The following FARP1 variants were observed in gnomAD, a reference collection of about 807,000 sequenced individuals.
FARP1 encodes FERM, ARHGEF and pleckstrin domain-containing protein 1.
In FARP1, 52 loss-of-function variants were observed where a neutral mutation model predicts 128.8. That is an observed-to-expected ratio of 0.40 (90% CI 0.32 to 0.51). The LOEUF is 0.51. Ranked by LOEUF, FARP1 falls within the 20% of genes least tolerant of loss-of-function variation. The pLI, the probability that FARP1 is intolerant of heterozygous loss-of-function variation, is 0.45. For synonymous variants in FARP1, 580 were observed against 551.8 expected (o/e 1.05, Z -0.72); for missense variants, 1,333 against 1,367.9 (o/e 0.97, Z 0.40).
chr13:98,419,686 G>A (rs1295892906), intron 16 of FARP1, among the ~76,000 whole-genome samples: 1 of 152,080 alleles, frequency 6.6e-6, no homozygotes, highest in Non-Finnish European at 1.5e-5. Flanking sequence ...TAGAATCATA[G>A]AGACTGCAGG....
At chr13:98,154,417 T>C (rs1258872762) in intron 1 of FARP1, among the ~76,000 whole-genome samples, 1 of 152,198 alleles carries the variant, frequency 6.6e-6, no homozygotes, top group Non-Finnish European at 1.5e-5. Flanking sequence ...AAAACATCTT[T>C]AAGAAGGGCT....
rs74790907 is a variant in FARP1 at position 98,416,935 on chromosome 13, G to A, written c.1826+4901G>A. Among the ~76,000 whole-genome samples the A allele has an allele frequency of 3.9e-3, 597 of 152,316 alleles. 4 individuals are homozygous for A. Among genetic ancestry groups the A allele is most frequent in the African/African-American group, 0.014 (574 of 41,566 alleles). The stretch of plus-strand genomic sequence containing the variant: ...AGTTTTCATGGAGGATCAGCTGCAT[G>A]TTTTAGGAGAAACTTTGGCCAGAGT... On this transcript the variant is annotated intron_variant, in intron 16 of 26. Transcript: ENST00000319562.
chr13:98,368,368 G>A (rs956829227), intron 5 of FARP1, among the ~76,000 whole-genome samples, 173 bp downstream of exon 5: 7 of 152,184 alleles, frequency 4.6e-5, no homozygotes, highest in African/African-American at 1.2e-4. Flanking sequence ...AAAATGGGGG[G>A]AGAAGTACTG....
Position 98,451,262 on chromosome 13 carries a change from G to T in FARP1, c.*2945G>T, listed in dbSNP as rs983062426. ...CAGACTCAATCTGTGTGATTCGCAA[G>T]GACAAAACTCATCTTTGACTTATGC... On this transcript the variant is annotated 3_prime_UTR_variant, in exon 27 of 27. Coordinates refer to ENST00000319562, the MANE Select transcript of FARP1 (RefSeq NM_005766.4). 7.9e-5 allele frequency: 12 copies of T among 152,120 alleles called. No individual in the cohort carries two copies. Among genetic ancestry groups the T allele is most frequent in the African/African-American group, 2.7e-4 (11 of 41,404 alleles). The allele number at this position is 152,120 out of a possible 1,614,324, so 9.4% of individuals were successfully genotyped here. A position where few individuals can be genotyped will look rare whatever the true frequency, so the allele number is the denominator to read the frequency against.
chr13:98,147,628 A>G (rs1375523013), intron 1 of FARP1, among the ~76,000 whole-genome samples: 1 of 151,752 alleles, frequency 6.6e-6, no homozygotes, highest in African/African-American at 2.4e-5. Context: ...TTCATTCAGG[A>G]TCTAGTATAG....
At chr13:98,166,902 T>C (rs1877306050) in intron 1 of FARP1, among the ~76,000 whole-genome samples, 2 of 152,078 alleles carry the variant, frequency 1.3e-5, no homozygotes, top group African/African-American at 4.8e-5. Flanking sequence ...TTTTTTTGTA[T>C]TTTTAGTAGA....
Position 98,361,864 on chromosome 13 carries a change from C to G in FARP1, c.277-3531C>G, listed in dbSNP as rs149210114. On this transcript the variant is annotated intron_variant, in intron 3 of 26. Coordinates refer to ENST00000319562, the MANE Select transcript of FARP1 (RefSeq NM_005766.4). ...TAAGCCAGTGTCCTGGGTTTTAGAG[C>G]TCTGTGTTCGCATCATCTCAGGTCT... Among the ~76,000 whole-genome samples, 48 of 152,262 alleles carry G rather than the reference C, an allele frequency of 3.2e-4. 2 individuals are homozygous for G. The East Asian group carries it at 7.3e-3, about 23-fold the overall frequency.
At chr13:98,349,672 G>GAAAAAAAAA (rs56376512) in intron 3 of FARP1, among the ~76,000 whole-genome samples, 1 of 59,864 alleles carries the variant, frequency 1.7e-5, no homozygotes, top group African/African-American at 6.7e-5. Context: ...CCATCTCAGG[G>GAAAAAAAAA]AAAAAAAAAA....
intron 5 of FARP1, among the ~76,000 whole-genome samples, chr13:98,375,673 G>C (rs1396236312): frequency 6.6e-6 from 1 of 152,090 alleles, no homozygotes; most frequent in Non-Finnish European, 1.5e-5. Context: ...CTGTCACCCA[G>C]GCTGGAGTGC....
chr13:98,367,872 T>A (rs1342257890), intron 4 of FARP1, among the ~76,000 whole-genome samples: 1 of 152,142 alleles, frequency 6.6e-6, no homozygotes, highest in Admixed American at 6.5e-5. Flanking sequence ...AGAGAAAAAA[T>A]TTAATAGCTC....
intron 17 of FARP1, among the ~76,000 whole-genome samples, chr13:98,425,058 T>C (rs1891730684): frequency 6.6e-6 from 1 of 152,114 alleles, no homozygotes; most frequent in Non-Finnish European, 1.5e-5. Flanking sequence ...CAAACCCTTC[T>C]CCAACCTTTC....
chr13:98,435,809 A>G (rs1195070831), intron 19 of FARP1, 103 bp downstream of exon 19: 1 of 1,219,222 alleles, frequency 8.2e-7, no homozygotes, highest in African/African-American at 1.5e-5. Flanking sequence ...GCAAAGCAAA[A>G]TGTCCTCTTT....
intron 2 of FARP1, among the ~76,000 whole-genome samples, chr13:98,304,282 G>C (rs1718251243): frequency 6.6e-6 from 1 of 152,062 alleles, no homozygotes; most frequent in African/African-American, 2.4e-5. Context: ...TTAATTGAAG[G>C]CTCTTGTTTT....
chr13:98,176,317 A>G lies in FARP1; in HGVS notation c.-24+32825A>G. On this transcript the variant is annotated intron_variant, in intron 1 of 26. Transcript: ENST00000319562. The surrounding 1 kb of genome is among the most constrained non-coding windows in gnomAD (Gnocchi z 6.2). ...CTGAAGCTTTTGCAGTTTCGCCATC[A>G]GTTCTTTGGCGGGGTTAAAGATGCC... is the stretch of plus-strand genomic sequence containing the variant. 6.2e-7 allele frequency: 1 copy of G among 1,613,166 alleles called. No individual in the cohort carries two copies. The highest frequency in any genetic ancestry group is 2.2e-5 in the East Asian group (1 of 44,864).
chr13:98,413,427 A>AGGCAGGAGGATCACTTGAG (rs1440772327), intron 16 of FARP1, among the ~76,000 whole-genome samples: 3 of 152,368 alleles, frequency 2.0e-5, no homozygotes, highest in Middle Eastern at 3.4e-3. Context: ...TGGGAGGCTG[A>AGGCAGGAGGATCACTTGAG]GGCAGGAGGA....
chr13:98,319,369 C>T (rs926902451), intron 2 of FARP1, among the ~76,000 whole-genome samples: 1 of 152,150 alleles, frequency 6.6e-6, no homozygotes, highest in African/African-American at 2.4e-5. Flanking sequence ...GCCTGTAATC[C>T]CAGCACTTTG....
In FARP1 at chr13:98,377,699, C is replaced by T. The variant is rs1474870193; in HGVS notation, c.399-122C>T. 2.4e-5 allele frequency: 16 copies of T among 678,872 alleles called. No individual in the cohort carries two copies. The East Asian group carries it at 3.8e-4, about 16-fold the overall frequency. The allele number at this position is 678,872 out of a possible 1,614,324, so 42.1% of individuals were successfully genotyped here. The stretch of plus-strand genomic sequence containing the variant: ...AGTGAATGGCAGCTGGAATCCGTTC[C>T]AGCCCATGCAGACTTCGTGGTTGGG... On this transcript the variant is annotated intron_variant, in intron 5 of 26. Transcript: ENST00000319562.
intron 6 of FARP1, among the ~76,000 whole-genome samples, chr13:98,379,297 AGTCTGTCAT>A (rs1431654047): frequency 6.8e-6 from 1 of 146,154 alleles, no homozygotes; most frequent in Non-Finnish European, 1.5e-5. Context: ...CTTGAGATCA[AGTCTGTCAT>A]TATCCTTATT....
intron 1 of FARP1, chr13:98,177,831 C>G (rs1415727041): frequency 6.6e-6 from 1 of 152,130 alleles, no homozygotes; most frequent in Non-Finnish European, 1.5e-5. Context: ...CAGGCCATAG[C>G]GAACCGGTGG....
Sources: gnomAD v4.1 joint callset for allele counts (sites outside exome capture counted in the v4.1 genomes callset) on GRCh38, gnomAD v4.1.1 for gene constraint, Gnocchi (gnomAD v3.1) non-coding constraint, MANE v1.5 for transcripts, NCBI Gene and HGNC (gene_info 2026-07-23, HGNC 2026-07-21) for gene names.